The following PPP1R1B variants were observed in gnomAD, a reference collection of about 807,000 sequenced individuals.
The protein encoded by PPP1R1B is protein phosphatase 1 regulatory subunit 1B.
Under a neutral mutation model 28.2 loss-of-function variants are expected in PPP1R1B, and 13 were observed. The ratio of observed to expected loss-of-function variants is 0.46; its 90% CI spans 0.30 to 0.73. The LOEUF is 0.73. Ranked by LOEUF, PPP1R1B falls within the 30% of genes least tolerant of loss-of-function variation. PPP1R1B has a pLI of 0.07. For synonymous variants in PPP1R1B, 102 were observed against 97.5 expected (o/e 1.05, Z -0.27); for missense variants, 236 against 256.7 (o/e 0.92, Z 0.55).
Position 39,627,408 on chromosome 17 carries a change from C to G in PPP1R1B, c.16C>G (p.Arg6Gly). 6.2e-7 allele frequency: 1 copy of G among 1,604,530 alleles called. No individual in the cohort carries two copies. The highest frequency in any genetic ancestry group is 8.5e-7 in the Non-Finnish European group (1 of 1,176,776). MDPKD[R>G]KKIQFSVPAP... is the part of the protein sequence containing the mutation. ...CCCGCGCGCCATGGACCCCAAGGAC[C>G]GCAAGAAGATCCAGTTCTCGGTGCC... The change falls in exon 1 of 7, where the codon CGC becomes GGC. Residue 6 changes from arginine (R) to glycine (G), a missense_variant. By Grantham distance (125) the Arg-to-Gly change is moderately radical. Transcript: ENST00000254079.
At chr17:39,629,923 A>G in intron 3 of PPP1R1B, 49 bp from the exon 4 acceptor site, 1 of 1,563,594 alleles carries the variant, frequency 6.4e-7, no homozygotes. Context: ...GGGATGGTGA[A>G]GGCAAGGGCC....
chr17:39,629,286 TA>T, intron 2 of PPP1R1B, 56 bp downstream of exon 2: 4 of 1,557,404 alleles, frequency 2.6e-6, no homozygotes, highest in Non-Finnish European at 3.5e-6. Flanking sequence ...GATGCCTTCC[TA>T]GGGGCCCTGC....
In PPP1R1B at chr17:39,635,842, T is replaced by A. The variant is rs1356907425; in HGVS notation, c.592T>A (p.Ser198Thr). Residue 198 changes from serine to threonine, a missense_variant, in exon 7 of 7, where the codon TCC (serine) becomes ACC (threonine). Coordinates refer to ENST00000254079, the MANE Select transcript of PPP1R1B (RefSeq NM_032192.4). ...GCCTGGGGAGGAACCTCAGCGCCCT[T>A]CCCCCTCTGAGCCTGGCACATAGGC... ...SEPGEEPQRP[S>T]PSEPGT is the part of the protein sequence containing the mutation. 1.9e-6 allele frequency: 3 copies of A among 1,612,970 alleles called. No individual in the cohort carries two copies. The highest frequency in any genetic ancestry group is 2.7e-5 in the African/African-American group (2 of 74,794).
chr17:39,629,575 G>T lies in PPP1R1B; in HGVS notation c.165+13G>T, dbSNP rs764345493. ...CTCCCCCCACCAGGTGAGTTTCCTG[G>T]GGCAGCTGGAAGGAGGGATGCCTGG... is the stretch of plus-strand genomic sequence containing the variant. On this transcript the variant is annotated intron_variant, in intron 3 of 6. Transcript: ENST00000254079. 4 of 1,613,532 alleles carry T rather than the reference G, an allele frequency of 2.5e-6. No individual in the cohort carries two copies. The Admixed American group carries it at 5.0e-5, about 20-fold the overall frequency.
Position 39,635,996 on chromosome 17 carries a change from C to G in PPP1R1B, c.*131C>G. On this transcript the variant is annotated 3_prime_UTR_variant, in exon 7 of 7. Transcript: ENST00000254079. ...GCTGCGGCTTCTGACTTCTAGAAGA[C>G]TAAGGCTGGTCTGTGTTTGCTTGTT... The G allele has an allele frequency of 9.4e-7, 1 of 1,064,650 alleles. No homozygotes were observed. The allele number at this position is 1,064,650 out of a possible 1,614,324, so 66.0% of individuals were successfully genotyped here. A position where few individuals can be genotyped will look rare whatever the true frequency, so the allele number is the denominator to read the frequency against.
In PPP1R1B at chr17:39,629,549, C is replaced by A. The variant is rs201594054; in HGVS notation, c.152C>A (p.Ala51Asp). Reference protein sequence around the residue: ...LSEHSSPEEEASPHQRASGEG... With the variant: ...LSEHSSPEEEDSPHQRASGEG... ...TGGTGGCCTTCCTCAGAGGAGGAAG[C>A]CTCCCCCCACCAGGTGAGTTTCCTG... Residue 51 changes from alanine to aspartate, a missense_variant, in exon 3 of 7, where the codon GCC becomes GAC. Physicochemically the swap from Ala to Asp is moderately radical, Grantham distance 126 (BLOSUM62 -2). Coordinates refer to ENST00000254079, the MANE Select transcript of PPP1R1B (RefSeq NM_032192.4). 132 of 1,613,600 alleles carry A rather than the reference C, an allele frequency of 8.2e-5. 1 individual carries two copies. The highest frequency in any genetic ancestry group is 2.5e-5 in the Non-Finnish European group (29 of 1,179,952).
At chr17:39,634,136 G>C in intron 5 of PPP1R1B, 50 bp downstream of exon 5, 2 of 1,606,022 alleles carry the variant, frequency 1.2e-6, no homozygotes, top group East Asian at 2.2e-5. Flanking sequence ...TCCTCCTTGA[G>C]TATACGAGGA....
At chr17:39,635,381 A>G (rs1453350971) in intron 5 of PPP1R1B, among the ~76,000 whole-genome samples, 1 of 151,964 alleles carries the variant, frequency 6.6e-6, no homozygotes, top group African/African-American at 2.4e-5. Flanking sequence ...GTTTAAGGTA[A>G]TCTACACAAT....
intron 4 of PPP1R1B, among the ~76,000 whole-genome samples, chr17:39,631,366 A>G (rs749238627): frequency 6.6e-6 from 1 of 152,212 alleles, no homozygotes; most frequent in African/African-American, 2.4e-5. Context: ...AAGGTGTGCA[A>G]AGAGAAAGAG....
intron 4 of PPP1R1B, among the ~76,000 whole-genome samples, chr17:39,630,699 G>A (rs983047063): frequency 6.6e-6 from 1 of 152,106 alleles, no homozygotes; most frequent in African/African-American, 2.4e-5. Context: ...CAAGGCGGGA[G>A]GACTGCTTGA....
At chr17:39,629,337 A>T in intron 2 of PPP1R1B, 107 bp downstream of exon 2, 1 of 1,339,728 alleles carries the variant, frequency 7.5e-7, no homozygotes. Flanking sequence ...GAGACTGGGG[A>T]GTGGATAAGG....
intron 3 of PPP1R1B, 75 bp from the exon 4 acceptor site, chr17:39,629,897 G>A: frequency 1.4e-6 from 2 of 1,427,736 alleles, no homozygotes; most frequent in Non-Finnish European, 9.9e-7. Flanking sequence ...GGTGGCCATG[G>A]GTGGGATGGA....
Position 39,630,322 on chromosome 17 carries a change from C to T in PPP1R1B, c.241+275C>T, listed in dbSNP as rs764987439. 7.5e-5 allele frequency: 34 copies of T among 451,300 alleles called. 1 individual carries two copies. The highest frequency in any genetic ancestry group is 5.6e-4 in the South Asian group (23 of 41,272). 28.0% of individuals were successfully genotyped at this position (451,300 alleles called of 1,614,324 possible). A position where few individuals can be genotyped will look rare whatever the true frequency, so the allele number is the denominator to read the frequency against. ...TGGCCTAAGACAACCAGCAGGCATC[C>T]GCGTGGAAGGGACTCCACCTGCAGC... On this transcript the variant is annotated intron_variant, in intron 4 of 6. Coordinates refer to ENST00000254079, the MANE Select transcript of PPP1R1B (RefSeq NM_032192.4).
intron 4 of PPP1R1B, chr17:39,632,454 C>T (rs2056885826): frequency 6.6e-6 from 1 of 152,282 alleles, no homozygotes; most frequent in Admixed American, 6.5e-5. Context: ...CTCATGGATC[C>T]TTCTCTACCA....
In PPP1R1B at chr17:39,627,179, GTCCCGAGA is replaced by G. The variant is rs2056843500; in HGVS notation, c.-213_-206del. 4 of 483,004 alleles carry G rather than the reference GTCCCGAGA, an allele frequency of 8.3e-6. No homozygotes were observed. The highest frequency in any genetic ancestry group is 1.4e-5 in the Non-Finnish European group (4 of 275,884). The allele number at this position is 483,004 out of a possible 1,614,324, so 29.9% of individuals were successfully genotyped here. On this transcript the variant is annotated 5_prime_UTR_variant, in exon 1 of 7. Coordinates refer to ENST00000254079, the MANE Select transcript of PPP1R1B (RefSeq NM_032192.4). The stretch of plus-strand genomic sequence containing the variant: ...AGCGAGCGCGGGGGGCGAGCCCCGA[GTCCCGAGA>G]GCCTGGGGGCGCGCCCAGCCCGGGC...
At position 39,635,902 on chromosome 17, in the gene PPP1R1B, GA is replaced by G. The variant is rs748791592; in HGVS notation, c.*38del. 3 of 1,606,612 alleles carry G rather than the reference GA, an allele frequency of 1.9e-6. No homozygotes were observed. Among genetic ancestry groups the G allele is most frequent in the Non-Finnish European group, 2.5e-6 (3 of 1,176,638 alleles). ...GCATCTCCCAGGAGGAAGTGGAGGG[GA>G]CATCGCTGTTCCCCAGAAACCCACT... On this transcript the variant is annotated 3_prime_UTR_variant, in exon 7 of 7. Transcript: ENST00000254079.
At chr17:39,635,547 C>T in intron 5 of PPP1R1B, 60 bp from the exon 6 acceptor site, 2 of 1,581,038 alleles carry the variant, frequency 1.3e-6, no homozygotes, top group East Asian at 2.3e-5. Flanking sequence ...AGCTCACACT[C>T]CAGGACAGCC....
chr17:39,631,610 G>A (rs999874340), intron 4 of PPP1R1B, among the ~76,000 whole-genome samples: 7 of 152,184 alleles, frequency 4.6e-5, no homozygotes, highest in East Asian at 1.9e-4. Flanking sequence ...GAAGTGGTTC[G>A]GGGGAGGGTT....
intron 1 of PPP1R1B, chr17:39,628,480 C>G (rs779392407): frequency 2.1e-4 from 207 of 984,672 alleles, no homozygotes; most frequent in Non-Finnish European, 2.4e-4. Flanking sequence ...GCTTGGCTCA[C>G]GTAGCAAGGA....
Sources: allele counts gnomAD v4.1 joint callset (sites outside exome capture counted in the v4.1 genomes callset), GRCh38; gene constraint gnomAD v4.1.1; transcripts MANE v1.5; gene names NCBI Gene and HGNC (gene_info 2026-07-23, HGNC 2026-07-21).